BRINP3: variants seen among roughly 807,000 people sequenced by gnomAD.
BRINP3 encodes BMP/retinoic acid inducible neural specific 3.
A neutral mutation model predicts 71.0 loss-of-function variants in BRINP3; 19 were observed. That is an observed-to-expected ratio of 0.27 (90% CI 0.19 to 0.39). The LOEUF is 0.39. Among genes scored for constraint, BRINP3 ranks in the 10% least tolerant of loss-of-function variants. The pLI is 1.00. For missense variants in BRINP3, 959 were observed against 940.8 expected (o/e 1.02, Z -0.25); for synonymous variants, 380 against 337.7 (o/e 1.13, Z -1.37).
intron 2 of BRINP3, among the ~76,000 whole-genome samples, chr1:190,312,228 A>G (rs1665586220): frequency 6.6e-6 from 1 of 150,902 alleles, no homozygotes; most frequent in African/African-American, 2.4e-5. Flanking sequence ...AAAGTTCAAT[A>G]TAAAAAACTC....
intron 2 of BRINP3, among the ~76,000 whole-genome samples, chr1:190,287,393 A>G (rs1663516285): frequency 6.6e-6 from 1 of 152,150 alleles, no homozygotes; most frequent in African/African-American, 2.4e-5. Context: ...GCAAGATAAA[A>G]AAGTCCACTC....
At chr1:190,385,103 G>A (rs1023768536) in intron 2 of BRINP3, among the ~76,000 whole-genome samples, 4 of 151,792 alleles carry the variant, frequency 2.6e-5, no homozygotes, top group South Asian at 4.2e-4. Flanking sequence ...TAACTTAAAC[G>A]TTAGACCTAA....
At chr1:190,281,895 T>C in intron 2 of BRINP3, 145 bp from the exon 3 acceptor site, 1 of 667,918 alleles carries the variant, frequency 1.5e-6, no homozygotes, top group South Asian at 3.1e-5. Context: ...AGAAGCAATA[T>C]TTATAATTTA....
At chr1:190,348,751 A>G (rs1040611179) in intron 2 of BRINP3, among the ~76,000 whole-genome samples, 1 of 152,144 alleles carries the variant, frequency 6.6e-6, no homozygotes, top group Non-Finnish European at 1.5e-5. Context: ...TCACATACCC[A>G]GAGTAGGCAA....
intron 2 of BRINP3, among the ~76,000 whole-genome samples, chr1:190,295,363 A>G (rs1224210181): frequency 6.6e-6 from 1 of 152,098 alleles, no homozygotes; most frequent in African/African-American, 2.4e-5. Flanking sequence ...TTTTCCCAAC[A>G]CAGGGATTCT....
In BRINP3 at chr1:190,390,632, C is replaced by T. The variant is rs542296309; in HGVS notation, c.236+64023G>A. ...TATTTAAATCTGAGGGAGTTTCACA[C>T]AGGAGGAAGAGAAAAAGGGCTCACC... is the stretch of plus-strand genomic sequence containing the variant. On this transcript the variant is annotated intron_variant, in intron 2 of 7. Coordinates refer to ENST00000367462, the MANE Select transcript of BRINP3 (RefSeq NM_199051.3). Among the ~76,000 whole-genome samples, 9 of 151,660 alleles carry T rather than the reference C, an allele frequency of 5.9e-5. No homozygotes were observed. The East Asian group carries it at 1.6e-3, about 26-fold the overall frequency.
chr1:190,326,615 T>C (rs1380266112), intron 2 of BRINP3, among the ~76,000 whole-genome samples: 1 of 151,984 alleles, frequency 6.6e-6, no homozygotes, highest in Non-Finnish European at 1.5e-5. Context: ...AGCAGAAACA[T>C]TAGAAGTCAG....
At chr1:190,429,594 T>C (rs1055819464) in intron 2 of BRINP3, among the ~76,000 whole-genome samples, 1 of 98,482 alleles carries the variant, frequency 1.0e-5, no homozygotes, top group African/African-American at 3.5e-5. Flanking sequence ...TCTTTCTTCC[T>C]TTTTTTTTTT....
chr1:190,305,787 A>G (rs1204703436), intron 2 of BRINP3, among the ~76,000 whole-genome samples: 3 of 151,810 alleles, frequency 2.0e-5, no homozygotes, highest in Non-Finnish European at 4.4e-5. Context: ...GCTAGAAGAG[A>G]GGTTTTAAAA....
chr1:190,308,969 G>A (rs1665323081), intron 2 of BRINP3, among the ~76,000 whole-genome samples: 1 of 151,774 alleles, frequency 6.6e-6, no homozygotes, highest in East Asian at 1.9e-4. Context: ...ATTGAAAGCA[G>A]GGTGTCAAAT....
intron 2 of BRINP3, among the ~76,000 whole-genome samples, chr1:190,426,006 A>G (rs1047250821): frequency 1.3e-5 from 2 of 151,848 alleles, no homozygotes; most frequent in African/African-American, 4.8e-5. Context: ...CAGTATTGCA[A>G]AAAAAGTTCT....
intron 2 of BRINP3, among the ~76,000 whole-genome samples, chr1:190,314,955 G>A (rs1046270743): frequency 6.6e-6 from 1 of 152,100 alleles, no homozygotes; most frequent in African/African-American, 2.4e-5. Context: ...CAGGTTGATG[G>A]ACTTTATCAG....
intron 2 of BRINP3, among the ~76,000 whole-genome samples, chr1:190,449,628 T>G (rs555120690): frequency 6.6e-6 from 1 of 152,240 alleles, no homozygotes; most frequent in South Asian, 2.1e-4. Flanking sequence ...TTATGTGGAA[T>G]AGAGAGGGCT....
At chr1:190,369,296 T>A (rs1200120111) in intron 2 of BRINP3, among the ~76,000 whole-genome samples, 1 of 152,126 alleles carries the variant, frequency 6.6e-6, no homozygotes, top group East Asian at 1.9e-4. Flanking sequence ...AATATATTAT[T>A]CTCATGATTA....
intron 2 of BRINP3, among the ~76,000 whole-genome samples, chr1:190,307,131 T>C (rs1665159083): frequency 6.6e-6 from 1 of 151,794 alleles, no homozygotes; most frequent in Non-Finnish European, 1.5e-5. Flanking sequence ...ATTGGTTCAG[T>C]GACATTGCTA....
chr1:190,228,980 T>A (rs545475330), intron 5 of BRINP3, among the ~76,000 whole-genome samples: 2 of 152,140 alleles, frequency 1.3e-5, no homozygotes, highest in Admixed American at 1.3e-4. Context: ...TATGAATGTT[T>A]CCGGTGTGAA....
intron 2 of BRINP3, among the ~76,000 whole-genome samples, chr1:190,443,474 G>A (rs938773479): frequency 3.3e-5 from 5 of 151,766 alleles, no homozygotes; most frequent in African/African-American, 1.2e-4. Context: ...AAAAGGAACT[G>A]AAGAGTATAA....
intron 7 of BRINP3, among the ~76,000 whole-genome samples, chr1:190,107,746 C>T (rs1652304055): frequency 6.6e-6 from 1 of 151,886 alleles, no homozygotes; most frequent in African/African-American, 2.4e-5. Flanking sequence ...TCTCCCAACC[C>T]CTCCAAACAA....
chr1:190,201,241 G>C lies in BRINP3; in HGVS notation c.961+24841C>G, dbSNP rs538812458. 8.5e-5 allele frequency among the ~76,000 whole-genome samples: 13 copies of C among 152,222 alleles called. No homozygotes were observed. The South Asian group carries it at 2.7e-3, about 32-fold the overall frequency. ...CAAAGGCAGGTTTTGTTATGTTTTA[G>C]CAAAAAGACTACTGGCATTTTGCCC... On this transcript the variant is annotated intron_variant, in intron 6 of 7. Coordinates refer to ENST00000367462, the MANE Select transcript of BRINP3 (RefSeq NM_199051.3).
Sources: gnomAD v4.1 joint callset for allele counts (sites outside exome capture counted in the v4.1 genomes callset) on GRCh38, gnomAD v4.1.1 for gene constraint, MANE v1.5 for transcripts, NCBI Gene and HGNC (gene_info 2026-07-23, HGNC 2026-07-21) for gene names.